SLC35F1: variants seen among roughly 807,000 people sequenced by gnomAD.
The protein encoded by SLC35F1 is chromosome 6 open reading frame 169.
Under a neutral mutation model 48.7 loss-of-function variants are expected in SLC35F1, and 14 were observed. The observed-to-expected ratio is 0.29, with a 90% CI of 0.19 to 0.45. The LOEUF is 0.45. SLC35F1 is among the 20% of genes least tolerant of loss of function. The pLI is 1.00. For missense variants in SLC35F1, 404 were observed against 500.0 expected (o/e 0.81, Z 1.83); for synonymous variants, 190 against 202.2 (o/e 0.94, Z 0.51).
intron 1 of SLC35F1, among the ~76,000 whole-genome samples, chr6:117,993,248 C>G (rs946426427): frequency 3.3e-5 from 5 of 152,080 alleles, no homozygotes; most frequent in African/African-American, 1.2e-4. Flanking sequence ...TTCTTTAACC[C>G]CCTACTCTCG....
rs371975759 is a variant in SLC35F1 at position 117,939,520 on chromosome 6, C to A, written c.173+31621C>A. ...CATTCTGGATCTTGATCTTCTGTAACCCTCAATACATCTTTGAAATTTTCT... is the reference window on the plus strand; with the variant it reads ...CATTCTGGATCTTGATCTTCTGTAAACCTCAATACATCTTTGAAATTTTCT... On this transcript the variant is annotated intron_variant, in intron 1 of 7. Coordinates refer to ENST00000360388, the MANE Select transcript of SLC35F1 (RefSeq NM_001029858.4). Among the ~76,000 whole-genome samples, 5 of 152,140 alleles carry A rather than the reference C, an allele frequency of 3.3e-5. No individual in the cohort carries two copies. In the East Asian group the frequency reaches 5.8e-4, roughly 18 times the overall value.
At chr6:118,107,294 A>T (rs1170606921) in intron 1 of SLC35F1, among the ~76,000 whole-genome samples, 1 of 152,194 alleles carries the variant, frequency 6.6e-6, no homozygotes, top group Non-Finnish European at 1.5e-5. Flanking sequence ...TCTGTCCAAT[A>T]ACCCTTATCA....
At chr6:118,290,946 C>A (rs982096922) in intron 7 of SLC35F1, among the ~76,000 whole-genome samples, 1 of 152,064 alleles carries the variant, frequency 6.6e-6, no homozygotes, top group Admixed American at 6.6e-5. Flanking sequence ...AGGCACTCGC[C>A]ACCATGCCCG....
chr6:118,066,303 T>A (rs1772612620), intron 1 of SLC35F1, among the ~76,000 whole-genome samples: 1 of 152,160 alleles, frequency 6.6e-6, no homozygotes, highest in Admixed American at 6.5e-5. Flanking sequence ...CAATAAAATG[T>A]CTAAGATAAA....
chr6:118,200,573 A>G (rs1281662270), intron 2 of SLC35F1, among the ~76,000 whole-genome samples: 1 of 152,194 alleles, frequency 6.6e-6, no homozygotes, highest in East Asian at 1.9e-4. Context: ...AAGACCTAAT[A>G]AAATTATCAC....
chr6:117,981,242 G>A (rs1375655812), intron 1 of SLC35F1, among the ~76,000 whole-genome samples: 1 of 152,196 alleles, frequency 6.6e-6, no homozygotes, highest in Non-Finnish European at 1.5e-5. Flanking sequence ...GAGGGCAGGA[G>A]AGAGATGGTG....
chr6:117,996,019 A>G (rs1776983238), intron 1 of SLC35F1, among the ~76,000 whole-genome samples: 1 of 152,232 alleles, frequency 6.6e-6, no homozygotes, highest in Non-Finnish European at 1.5e-5. Context: ...ATCTTTGTGG[A>G]AATAAGTGCT....
chr6:117,910,700 G>A (rs1775750661), intron 1 of SLC35F1, among the ~76,000 whole-genome samples: 1 of 152,194 alleles, frequency 6.6e-6, no homozygotes, highest in Non-Finnish European at 1.5e-5. Context: ...TCAGCTCCTA[G>A]CATCCCACTG....
intron 6 of SLC35F1, among the ~76,000 whole-genome samples, chr6:118,279,855 C>G (rs774655802): frequency 6.6e-6 from 1 of 152,166 alleles, no homozygotes; most frequent in Non-Finnish European, 1.5e-5. Flanking sequence ...CTCTGCCTCC[C>G]CACTTTCCAC....
At chr6:118,012,778 T>C (rs1777267305) in intron 1 of SLC35F1, among the ~76,000 whole-genome samples, 1 of 152,208 alleles carries the variant, frequency 6.6e-6, no homozygotes, top group Non-Finnish European at 1.5e-5. Flanking sequence ...GGGCTACTGT[T>C]TATTACAAAC....
At chr6:118,125,376 T>TGC (rs796550680) in intron 1 of SLC35F1, among the ~76,000 whole-genome samples, 3 of 142,804 alleles carry the variant, frequency 2.1e-5, no homozygotes, top group Admixed American at 7.2e-5. Flanking sequence ...TATGGTATTT[T>TGC]GGGGGGGGGG....
At chr6:118,056,732 G>A (rs995578062) in intron 1 of SLC35F1, among the ~76,000 whole-genome samples, 3 of 152,130 alleles carry the variant, frequency 2.0e-5, no homozygotes, top group Non-Finnish European at 4.4e-5. Context: ...AAAATCAGTT[G>A]TCTTTATACA....
intron 1 of SLC35F1, among the ~76,000 whole-genome samples, chr6:118,018,654 C>T (rs2114882527): frequency 6.6e-6 from 1 of 152,128 alleles, no homozygotes; most frequent in Non-Finnish European, 1.5e-5. Context: ...TTACTGGAAT[C>T]TTTGAATATT....
At chr6:118,133,664 C>T (rs548838147) in intron 1 of SLC35F1, among the ~76,000 whole-genome samples, 2 of 152,118 alleles carry the variant, frequency 1.3e-5, no homozygotes, top group African/African-American at 4.8e-5. Flanking sequence ...ATTTTTTTCT[C>T]TTTTCCTTCT....
intron 1 of SLC35F1, among the ~76,000 whole-genome samples, chr6:117,940,772 A>T (rs1457745360): frequency 1.3e-5 from 2 of 151,960 alleles, no homozygotes; most frequent in Admixed American, 6.6e-5. Context: ...CCTCAGCCAC[A>T]CGAGTAGCTG....
Position 117,997,799 on chromosome 6 carries a change from G to A in SLC35F1, c.173+89900G>A, listed in dbSNP as rs567112913. Among the ~76,000 whole-genome samples, 25 of 152,224 alleles carry A rather than the reference G, an allele frequency of 1.6e-4. No homozygotes were observed. In the East Asian group the frequency reaches 4.3e-3, roughly 26 times the overall value. ...GTACTAAACATGGAAAGGAACAACCGGTACCAGCCACTGCAAAATCATACC... is the reference window on the plus strand; with the variant it reads ...GTACTAAACATGGAAAGGAACAACCAGTACCAGCCACTGCAAAATCATACC... On this transcript the variant is annotated intron_variant, in intron 1 of 7. Transcript: ENST00000360388.
intron 2 of SLC35F1, among the ~76,000 whole-genome samples, chr6:118,163,852 A>G (rs1774276830): frequency 6.6e-6 from 1 of 152,268 alleles, no homozygotes; most frequent in Admixed American, 6.5e-5. Context: ...GGAAGAACAA[A>G]GCAGTCCCTG....
chr6:118,006,279 A>C (rs943330841), intron 1 of SLC35F1, among the ~76,000 whole-genome samples: 26 of 152,168 alleles, frequency 1.7e-4, no homozygotes, highest in African/African-American at 6.3e-4. Flanking sequence ...AAATGTCGAG[A>C]GTAATGATAA....
At chr6:118,313,498 G>A (rs932527448) in intron 7 of SLC35F1, among the ~76,000 whole-genome samples, 2 of 152,190 alleles carry the variant, frequency 1.3e-5, no homozygotes, top group African/African-American at 4.8e-5. Flanking sequence ...ATCTAATCTT[G>A]CAAAGATATT....
Sources: allele counts gnomAD v4.1 joint callset (sites outside exome capture counted in the v4.1 genomes callset), GRCh38; gene constraint gnomAD v4.1.1; transcripts MANE v1.5; gene names NCBI Gene and HGNC (gene_info 2026-07-23, HGNC 2026-07-21).